Variants in NCOR1 observed in about 807,000 individuals in gnomAD.
The protein encoded by NCOR1 is nuclear receptor corepressor 1.
A neutral mutation model predicts 288.1 loss-of-function variants in NCOR1; 63 were observed. The ratio of observed to expected loss-of-function variants is 0.22; its 90% CI spans 0.18 to 0.27. The LOEUF (loss-of-function observed/expected upper bound fraction) is 0.27. NCOR1 is among the 10% of genes least tolerant of loss of function. The pLI is 1.00. For synonymous variants in NCOR1, 1,007 were observed against 1,065.9 expected (o/e 0.94, Z 1.08); for missense variants, 2,397 against 3,019.2 (o/e 0.79, Z 4.83).
chr17:16,156,590 T>C (rs2079848978), intron 6 of NCOR1, among the ~76,000 whole-genome samples: 1 of 151,276 alleles, frequency 6.6e-6, no homozygotes, highest in South Asian at 2.1e-4. Flanking sequence ...ACTTCTATAG[T>C]TGTTGTGGGT....
intron 14 of NCOR1, among the ~76,000 whole-genome samples, chr17:16,133,894 T>C (rs1185639485): frequency 1.3e-5 from 2 of 152,336 alleles, no homozygotes; most frequent in East Asian, 3.9e-4. Flanking sequence ...CTCGTGGTTT[T>C]ACCTTCAAAA....
intron 10 of NCOR1, among the ~76,000 whole-genome samples, chr17:16,145,796 T>G (rs1476425067): frequency 6.6e-6 from 1 of 152,088 alleles, no homozygotes; most frequent in Non-Finnish European, 1.5e-5. Context: ...CTGGGAGGTG[T>G]GCCCAACAGC....
intron 10 of NCOR1, among the ~76,000 whole-genome samples, chr17:16,145,905 G>C (rs1008337478): frequency 5.3e-5 from 8 of 152,314 alleles, no homozygotes; most frequent in Admixed American, 3.9e-4. Context: ...TACTGTGTCC[G>C]TGTGGAGGGA....
At chr17:16,110,925 T>G (rs76693872) in intron 18 of NCOR1, among the ~76,000 whole-genome samples, 1,701 of 152,368 alleles carry the variant, frequency 0.011, 20 homozygotes, top group Non-Finnish European at 0.018. Flanking sequence ...TCTAAAAAGC[T>G]TTCAGAAGAT....
chr17:16,194,759 T>C (rs200958402), intron 1 of NCOR1, 120 bp from the exon 2 acceptor site: 9 of 393,792 alleles, frequency 2.3e-5, no homozygotes, highest in Non-Finnish European at 3.7e-5. Context: ...CTTCCTCTCA[T>C]GTATTTACTT....
At chr17:16,039,344 GA>G (rs779196528) in intron 44 of NCOR1, 88 bp downstream of exon 44, 3 of 1,248,734 alleles carry the variant, frequency 2.4e-6, no homozygotes, top group Middle Eastern at 2.7e-4. Context: ...AGACATAAAT[GA>G]AATGTCTTAG....
At chr17:16,122,638 TTC>T (rs2073227038) in intron 15 of NCOR1, 1 of 152,236 alleles carries the variant, frequency 6.6e-6, no homozygotes, top group African/African-American at 2.4e-5. Flanking sequence ...TCTTTTGGGT[TTC>T]TGTTTTTTGT....
chr17:16,069,357 C>T (rs1170450223), intron 31 of NCOR1, among the ~76,000 whole-genome samples: 1 of 152,220 alleles, frequency 6.6e-6, no homozygotes, highest in Non-Finnish European at 1.5e-5. Flanking sequence ...CCCTTCTCCT[C>T]ACTCTGTGCT....
At chr17:16,153,421 A>G (rs747063575) in intron 6 of NCOR1, 26 bp from the exon 7 acceptor site, 1 of 1,458,374 alleles carries the variant, frequency 6.9e-7, no homozygotes, top group Admixed American at 2.0e-5. Flanking sequence ...TTGTTGTATC[A>G]TATAATTAAA....
At chr17:16,141,859 G>A (rs1265503243) in intron 11 of NCOR1, among the ~76,000 whole-genome samples, 1 of 152,186 alleles carries the variant, frequency 6.6e-6, no homozygotes, top group Non-Finnish European at 1.5e-5. Flanking sequence ...AGACTGCCTG[G>A]GTTGAGTATC....
rs1317740692 is a variant in NCOR1 at position 16,029,915 on chromosome 17, G to C, written c.*2381C>G. 6.5e-6 allele frequency: 1 copy of C among 154,674 alleles called. No individual in the cohort carries two copies. Among genetic ancestry groups the C allele is most frequent in the African/African-American group, 2.4e-5 (1 of 41,498 alleles). 9.6% of individuals were successfully genotyped at this position (154,674 alleles called of 1,614,324 possible). A position where few individuals can be genotyped will look rare whatever the true frequency, so the allele number is the denominator to read the frequency against. On this transcript the variant is annotated 3_prime_UTR_variant, in exon 46 of 46. Transcript: ENST00000268712. ...TCCTCAGGTAGAACTGCAAGAGTAAGAAGTTAGGCTCTGATCTGACATGTT... is the reference window on the plus strand; with the variant it reads ...TCCTCAGGTAGAACTGCAAGAGTAACAAGTTAGGCTCTGATCTGACATGTT...
intron 42 of NCOR1, among the ~76,000 whole-genome samples, chr17:16,046,285 A>T (rs1456496669): frequency 6.6e-6 from 1 of 152,226 alleles, no homozygotes. Flanking sequence ...ATGAATTAAA[A>T]GTAGCCCAAG....
chr17:16,150,216 T>A (rs1225052894), intron 8 of NCOR1, among the ~76,000 whole-genome samples: 1 of 152,096 alleles, frequency 6.6e-6, no homozygotes, highest in Non-Finnish European at 1.5e-5. Flanking sequence ...CAAGTAGAAG[T>A]AATTTTTTGG....
rs754963705 is a variant in NCOR1 at position 16,086,305 on chromosome 17, T to C, written c.3154A>G (p.Ile1052Val). ...ACCTGTGAGATGGAGCCTCCCATTA[T>C]AAAAGATGGTTTTTCTGAAGCCACT... ...TTVASEKPSF[I>V]MGGSISQGTP... is the part of the protein sequence containing the mutation. Residue 1052 changes from isoleucine (I) to valine (V), a missense_variant, in exon 23 of 46, where the codon ATA becomes GTA. Ile to Val is a conservative substitution (Grantham distance 29). Around this residue, in one of 11 missense-constraint regions of NCOR1, gnomAD observed 1,872 missense variants for 2,187.8 expected, o/e 0.86. Transcript: ENST00000268712. 6.2e-7 allele frequency: 1 copy of C among 1,614,044 alleles called. No homozygotes were observed. The highest frequency in any genetic ancestry group is 1.1e-5 in the South Asian group (1 of 91,080).
chr17:16,065,896 G>A lies in NCOR1; in HGVS notation c.4742-202C>T, dbSNP rs547168856. 188 of 572,470 alleles carry A rather than the reference G, an allele frequency of 3.3e-4. 1 individual carries two copies. The highest frequency in any genetic ancestry group is 3.7e-4 in the Non-Finnish European group (120 of 320,154). The allele number at this position is 572,470 out of a possible 1,614,324, so 35.5% of individuals were successfully genotyped here. On this transcript the variant is annotated intron_variant, in intron 32 of 45. Coordinates refer to ENST00000268712, the MANE Select transcript of NCOR1 (RefSeq NM_006311.4). Reference sequence around the variant, plus strand: ...CAATTCTAATGTCTAAGATGTAATGGAAAAGGGGAAGGATAACAGTAGCTA... The same window carrying A: ...CAATTCTAATGTCTAAGATGTAATGAAAAAGGGGAAGGATAACAGTAGCTA...
rs375372742 is a variant in NCOR1 at position 16,132,811 on chromosome 17, C to T, written c.1509+4500G>A. Reference sequence around the variant, plus strand: ...CTACACTTTTTTTTTTTTTTTTTTCCTGAGATGGAGTCTTGCTCTGGGATT... The same window carrying T: ...CTACACTTTTTTTTTTTTTTTTTTCTTGAGATGGAGTCTTGCTCTGGGATT... On this transcript the variant is annotated intron_variant, in intron 14 of 45. Transcript: ENST00000268712. 6.9e-3 allele frequency among the ~76,000 whole-genome samples: 882 copies of T among 128,566 alleles called. 17 individuals are homozygous for T. The highest frequency in any genetic ancestry group is 0.025 in the African/African-American group (819 of 33,298). 84.3% of individuals were successfully genotyped at this position (128,566 alleles called of 152,430 possible). A position where few individuals can be genotyped will look rare whatever the true frequency, so the allele number is the denominator to read the frequency against.
At chr17:16,186,068 A>AT (rs2086618915) in intron 3 of NCOR1, among the ~76,000 whole-genome samples, 2 of 152,230 alleles carry the variant, frequency 1.3e-5, no homozygotes, top group African/African-American at 4.8e-5. Flanking sequence ...ATCTGACAGA[A>AT]TATTTACTAT....
intron 20 of NCOR1, among the ~76,000 whole-genome samples, chr17:16,100,503 T>C (rs1257308263): frequency 6.6e-6 from 1 of 152,022 alleles, no homozygotes; most frequent in Non-Finnish European, 1.5e-5. Flanking sequence ...TAGCCAAGCA[T>C]GGTGGCGTGT....
intron 4 of NCOR1, 48 bp from the exon 5 acceptor site, chr17:16,165,209 G>A (rs763556154): frequency 6.8e-7 from 1 of 1,477,648 alleles, no homozygotes; most frequent in East Asian, 2.4e-5. Context: ...CACTAATAGA[G>A]TCCAGATTGC....
Sources: gnomAD v4.1 joint callset for allele counts (sites outside exome capture counted in the v4.1 genomes callset) on GRCh38, gnomAD v4.1.1 for gene constraint, gnomAD v4.1.1 regional missense constraint, MANE v1.5 for transcripts, NCBI Gene and HGNC (gene_info 2026-07-23, HGNC 2026-07-21) for gene names.